PRKCZ: variants seen among roughly 807,000 people sequenced by gnomAD.
PRKCZ encodes the protein protein kinase C zeta, also known as protein kinase C zeta type.
PRKCZ carries 33 observed loss-of-function variants against 79.5 expected under a neutral mutation model. The ratio of observed to expected loss-of-function variants is 0.41; its 90% confidence interval spans 0.31 to 0.55. The LOEUF (loss-of-function observed/expected upper bound fraction) is 0.55. PRKCZ is among the 20% of genes least tolerant of loss of function. The probability of loss-of-function intolerance (pLI) is 0.19; values close to 1 mark genes in which losing one functional copy is unlikely to be tolerated. For synonymous variants in PRKCZ, 342 were observed against 320.9 expected (o/e 1.07, Z -0.70); for missense variants, 578 against 813.5 (o/e 0.71, Z 3.52).
At chr1:2,152,804 G>A (rs893953048) in intron 9 of PRKCZ, among the ~76,000 whole-genome samples, 3 of 152,226 alleles carry the variant, frequency 2.0e-5, no homozygotes, top group Admixed American at 6.5e-5. Flanking sequence ...CCGTCCATGT[G>A]GCCGCTCGCT....
chr1:2,094,138 C>T lies in PRKCZ; in HGVS notation c.334+34547C>T, dbSNP rs1417739632. ...TAGAACCTTCTGCCTGATGCACAAC[C>T]TCAGAGCCCTCCGTCGCCATCCCTC... On this transcript the variant is annotated intron_variant, in intron 4 of 17. Transcript: ENST00000378567. This position sits in a 1 kb window ranked among gnomAD's most constrained non-coding sequence, Gnocchi z 7.3. 6.6e-6 allele frequency among the ~76,000 whole-genome samples: 1 copy of T among 152,192 alleles called. No individual in the cohort carries two copies. The highest frequency in any genetic ancestry group is 1.5e-5 in the Non-Finnish European group (1 of 68,038).
intron 4 of PRKCZ, among the ~76,000 whole-genome samples, chr1:2,081,469 G>C (rs772463959): frequency 1.3e-5 from 2 of 152,214 alleles, no homozygotes; most frequent in Admixed American, 1.3e-4. Flanking sequence ...CTGTGGGCAT[G>C]GACCCCCAGA....
intron 10 of PRKCZ, among the ~76,000 whole-genome samples, chr1:2,159,035 C>T (rs573679842): frequency 1.3e-5 from 2 of 152,126 alleles, no homozygotes; most frequent in Non-Finnish European, 2.9e-5. Flanking sequence ...ACGCCATTCT[C>T]CTGCCTCAGC....
intron 3 of PRKCZ, 27 bp from the exon 4 acceptor site, chr1:2,059,514 C>T (rs373427299): frequency 2.7e-5 from 44 of 1,613,670 alleles, no homozygotes; most frequent in African/African-American, 5.3e-5. Flanking sequence ...AGGGTCTTGA[C>T]GCTGTCTCTT....
chr1:2,055,458 G>T lies in PRKCZ; in HGVS notation c.89G>T (p.Ser30Ile). Residue 30 changes from serine (S) to isoleucine (I), a missense_variant, in exon 2 of 18, where the codon AGC becomes ATC. Physicochemically the swap from Ser to Ile is moderately radical, Grantham distance 142. Coordinates refer to ENST00000378567, the MANE Select transcript of PRKCZ (RefSeq NM_002744.6). ...TGCCCCAGGGACATCTTCATCACCA[G>T]CGTGGACGCCGCCACGACCTTCGAG... is the stretch of plus-strand genomic sequence containing the variant. ...AHYGGDIFIT[S>I]VDAATTFEEL... 2 of 1,613,624 alleles carry T rather than the reference G, an allele frequency of 1.2e-6. No individual in the cohort carries two copies. Among genetic ancestry groups the T allele is most frequent in the Non-Finnish European group, 1.7e-6 (2 of 1,179,714 alleles).
chr1:2,068,910 C>A (rs563656866), intron 4 of PRKCZ, among the ~76,000 whole-genome samples: 1 of 152,192 alleles, frequency 6.6e-6, no homozygotes, highest in Non-Finnish European at 1.5e-5. Context: ...CGGTGCTCAG[C>A]GGAACTGAGA....
chr1:2,148,009 CATCT>C (rs1397915219), intron 7 of PRKCZ, among the ~76,000 whole-genome samples: 19 of 145,334 alleles, frequency 1.3e-4, no homozygotes, highest in Admixed American at 3.5e-4. Context: ...TCTATCCATC[CATCT>C]ATTGTCCACT....
Position 2,169,588 on chromosome 1 carries a change from C to G in PRKCZ, c.1045C>G (p.Pro349Ala). The G allele has an allele frequency of 6.6e-7, 1 of 1,522,092 alleles. No individual in the cohort carries two copies. The highest frequency in any genetic ancestry group is 8.9e-7 in the Non-Finnish European group (1 of 1,127,308). 94.3% of individuals were successfully genotyped at this position (1,522,092 alleles called of 1,614,324 possible). The change falls in exon 11 of 18, where the codon CCT (proline) becomes GCT (alanine). Residue 349 changes from proline (P) to alanine (A), a missense_variant. Around this residue, in one of 4 missense-constraint regions of PRKCZ, gnomAD observed 243 missense variants for 467.0 expected, o/e 0.52. Coordinates refer to ENST00000378567, the MANE Select transcript of PRKCZ (RefSeq NM_002744.6). ...CCACATGCAGAGGCAGAGGAAGCTC[C>G]CTGAGGAGCACGCCAGGTGGGTGCG... is the stretch of plus-strand genomic sequence containing the variant. ...MFHMQRQRKLPEEHARFYAAE... is the reference protein window; with the variant it reads ...MFHMQRQRKLAEEHARFYAAE...
intron 11 of PRKCZ, among the ~76,000 whole-genome samples, chr1:2,171,283 A>G (rs1304401163): frequency 6.7e-6 from 1 of 148,446 alleles, no homozygotes; most frequent in Non-Finnish European, 1.5e-5. Context: ...CAGAGCTTAC[A>G]GTGAGCCAAG....
intron 4 of PRKCZ, among the ~76,000 whole-genome samples, chr1:2,103,521 C>A (rs1330999690): frequency 6.6e-6 from 1 of 152,180 alleles, no homozygotes; most frequent in Non-Finnish European, 1.5e-5. Flanking sequence ...CCCAAAGAAG[C>A]CCTCCAAGCT....
intron 10 of PRKCZ, 96 bp from the exon 11 acceptor site, chr1:2,169,422 G>C (rs768676867): frequency 1.9e-6 from 2 of 1,060,590 alleles, no homozygotes; most frequent in Non-Finnish European, 2.8e-6. Flanking sequence ...CTGCGGGAGG[G>C]TTCGGGCCCA....
intron 8 of PRKCZ, among the ~76,000 whole-genome samples, chr1:2,150,109 T>C (rs1571839896): frequency 7.8e-6 from 1 of 128,504 alleles, no homozygotes; most frequent in Admixed American, 8.6e-5. Context: ...TTGTAGTGAG[T>C]CGAGATCGTG....
intron 4 of PRKCZ, among the ~76,000 whole-genome samples, chr1:2,132,063 G>A (rs1218243199): frequency 2.0e-5 from 3 of 152,166 alleles, no homozygotes; most frequent in Admixed American, 6.5e-5. Context: ...TGCCCGCCTC[G>A]GCCTCCCAAA....
chr1:2,069,493 G>T (rs1002945930), intron 4 of PRKCZ, among the ~76,000 whole-genome samples: 1 of 152,210 alleles, frequency 6.6e-6, no homozygotes, highest in African/African-American at 2.4e-5. Flanking sequence ...CTGTAAAACG[G>T]GGTGATTGTA....
chr1:2,137,856 G>A lies in PRKCZ; in HGVS notation c.420+2509G>A, dbSNP rs535802500. Among the ~76,000 whole-genome samples the A allele has an allele frequency of 1.5e-3, 221 of 151,182 alleles. 1 individual carries two copies. Among genetic ancestry groups the A allele is most frequent in the African/African-American group, 4.9e-3 (202 of 41,370 alleles). ...TGGCAGGTGGACCCACCACAGCCCC[G>A]CTCTGCTGTGGAGGTACAGCCCTTC... is the stretch of plus-strand genomic sequence containing the variant. On this transcript the variant is annotated intron_variant, in intron 5 of 17. Transcript: ENST00000378567.
Position 2,149,711 on chromosome 1 carries a change from A to G in PRKCZ, c.687+787A>G, listed in dbSNP as rs542827243. Among the ~76,000 whole-genome samples the G allele has an allele frequency of 6.6e-6, 1 of 152,220 alleles. No individual in the cohort carries two copies. Among genetic ancestry groups the G allele is most frequent in the Non-Finnish European group, 1.5e-5 (1 of 68,006 alleles). Reference sequence around the variant, plus strand: ...TTCCTACAAAAATAAATACAAAATAATTAGCTGGGCATGGTGGCACGGGCC... The same window carrying G: ...TTCCTACAAAAATAAATACAAAATAGTTAGCTGGGCATGGTGGCACGGGCC... On this transcript the variant is annotated intron_variant, in intron 8 of 17. Transcript: ENST00000378567. The surrounding 1 kb of genome is among the most constrained non-coding windows in gnomAD (Gnocchi z 4.1).
intron 4 of PRKCZ, among the ~76,000 whole-genome samples, chr1:2,101,914 T>A (rs145394537): frequency 1.3e-5 from 2 of 152,166 alleles, no homozygotes; most frequent in African/African-American, 2.4e-5. Context: ...ATAACAGATA[T>A]GTAGCAGATA....
At chr1:2,137,323 A>G (rs1456941389) in intron 5 of PRKCZ, among the ~76,000 whole-genome samples, 2 of 152,082 alleles carry the variant, frequency 1.3e-5, no homozygotes, top group African/African-American at 4.8e-5. Flanking sequence ...GCCACCGCCC[A>G]CCCACATTGA....
At chr1:2,064,776 G>T (rs1660982822) in intron 4 of PRKCZ, among the ~76,000 whole-genome samples, 1 of 152,224 alleles carries the variant, frequency 6.6e-6, no homozygotes, top group Admixed American at 6.5e-5. Context: ...AGGAAGTTTT[G>T]AAATCAGGAA....
Sources: gnomAD v4.1 joint callset for allele counts (sites outside exome capture counted in the v4.1 genomes callset) on GRCh38, gnomAD v4.1.1 for gene constraint, gnomAD v4.1.1 regional missense constraint, Gnocchi (gnomAD v3.1) non-coding constraint, MANE v1.5 for transcripts, NCBI Gene and HGNC (gene_info 2026-07-23, HGNC 2026-07-21) for gene names.